Variants in ZNF875 observed in about 807,000 individuals in gnomAD.
The protein encoded by ZNF875 is zinc finger protein 875, also known as HKR1, GLI-Kruppel zinc finger family member.
In ZNF875, 14 loss-of-function variants were observed where a neutral mutation model predicts 11.2. The observed-to-expected ratio is 1.26, with a 90% CI of 0.83 to 1.96. The LOEUF is 1.96. ZNF875 is among the 30% of genes most tolerant of loss of function. The pLI is 0.00. For synonymous variants in ZNF875, 301 were observed against 281.1 expected, an observed-to-expected ratio of 1.07 and a Z score of -0.71; for missense variants, 752 against 760.4, an observed-to-expected ratio of 0.99 and a Z score of 0.13.
intron 4 of ZNF875, 137 bp from the exon 5 acceptor site, chr19:37,361,972 A>G (rs1341729045): frequency 4.7e-6 from 3 of 633,188 alleles, no homozygotes; most frequent in Admixed American, 2.9e-5. Context: ...TGAAAAATAG[A>G]TGCTGGGAAG....
chr19:37,343,292 G>A (rs369229216), intron 2 of ZNF875, among the ~76,000 whole-genome samples: 1 of 150,348 alleles, frequency 6.7e-6, no homozygotes, highest in Non-Finnish European at 1.5e-5. Flanking sequence ...GCAGTGAGCC[G>A]AGACCACGTC....
chr19:37,314,308 G>A (rs925047196), upstream of ZNF875, among the ~76,000 whole-genome samples: 6 of 151,942 alleles, frequency 3.9e-5, no homozygotes, highest in Admixed American at 3.9e-4. Flanking sequence ...AGATATGTGG[G>A]TCTCACTATG....
At chr19:37,347,082 G>T (rs2036932054) in intron 2 of ZNF875, 108 bp from the exon 3 acceptor site, 3 of 1,491,994 alleles carry the variant, frequency 2.0e-6, no homozygotes, top group Non-Finnish European at 1.9e-6. Context: ...CTCCCAAAGT[G>T]CTGGGATTAC....
chr19:37,344,676 G>C, intron 2 of ZNF875: 6 of 1,613,288 alleles, frequency 3.7e-6, no homozygotes, highest in Non-Finnish European at 5.1e-6. Context: ...GAGAGATTTG[G>C]AGTGAATCAT....
At chr19:37,327,025 C>A (rs1036984741) in intron 4 of ZNF875, among the ~76,000 whole-genome samples, 1 of 151,374 alleles carries the variant, frequency 6.6e-6, no homozygotes, top group Non-Finnish European at 1.5e-5. Context: ...TGAAGTCTTG[C>A]TCTGTCTCCC....
intron 2 of ZNF875, among the ~76,000 whole-genome samples, chr19:37,340,985 C>T (rs1046302145): frequency 3.9e-5 from 6 of 152,088 alleles, no homozygotes; most frequent in African/African-American, 1.2e-4. Context: ...ACTTTTTATC[C>T]ACTCAGCTGA....
Position 37,347,201 on chromosome 19 carries a change from A to C in ZNF875, c.45A>C (p.Ala15=). ...GTTTTGTGTTAAAGGCGTTCGTGGC[A>C]TTCAGGGATGTGGCTGTGTACTTCA... The part of the protein sequence containing the change: ...LLRAKKEAFV[A]FRDVAVYFTQ... The change falls in exon 3 of 5, where the codon GCA becomes GCC. Residue 15 remains alanine, a synonymous_variant. Transcript: ENST00000392153. 1 of 1,614,106 alleles carries C rather than the reference A, an allele frequency of 6.2e-7. No individual in the cohort carries two copies. The highest frequency in any genetic ancestry group is 8.5e-7 in the Non-Finnish European group (1 of 1,180,000).
chr19:37,336,881 C>G (rs1174403844), intron 2 of ZNF875, among the ~76,000 whole-genome samples: 1 of 151,726 alleles, frequency 6.6e-6, no homozygotes, highest in African/African-American at 2.4e-5. Context: ...GCACTCCAGC[C>G]CGGGCAACAG....
intron 1 of ZNF875, among the ~76,000 whole-genome samples, chr19:37,320,275 T>C (rs1231474344): frequency 6.6e-6 from 1 of 152,214 alleles, no homozygotes; most frequent in East Asian, 1.9e-4. Flanking sequence ...CAAAATATAG[T>C]GTTTCCTTCC....
chr19:37,347,822 G>A lies in ZNF875; in HGVS notation c.206G>A (p.Gly69Glu), dbSNP rs374229854. ...KPKLIAQLER[G>E]EAPWREERKC... ...AAACTCATTGCTCAGCTGGAGCGAG[G>A]GGAAGCGCCCTGGAGAGAGGAGAGA... The change falls in exon 4 of 5, where the codon GGG becomes GAG. Residue 69 changes from glycine (G) to glutamate (E), a missense_variant. Coordinates refer to ENST00000392153, the MANE Select transcript of ZNF875 (RefSeq NM_001353803.2). The A allele has an allele frequency of 8.7e-6, 14 of 1,613,582 alleles. No homozygotes were observed. The highest frequency in any genetic ancestry group is 1.1e-5 in the Non-Finnish European group (13 of 1,179,662).
At chr19:37,336,297 ATTTT>A (rs34434733) in intron 2 of ZNF875, among the ~76,000 whole-genome samples, 1 of 124,352 alleles carries the variant, frequency 8.0e-6, no homozygotes, top group Non-Finnish European at 1.6e-5. Context: ...TTAAGATTGA[ATTTT>A]TTTTTTTTTT....
chr19:37,362,243 C>G lies in ZNF875; in HGVS notation c.391C>G (p.Leu131Val), dbSNP rs562401179. 70 of 1,614,188 alleles carry G rather than the reference C, an allele frequency of 4.3e-5. No individual in the cohort carries two copies. Among genetic ancestry groups the G allele is most frequent in the Non-Finnish European group, 2.4e-5 (28 of 1,180,030 alleles). The change falls in exon 5 of 5, where the codon CTG becomes GTG. Residue 131 changes from leucine (L) to valine (V), a missense_variant. Coordinates refer to ENST00000392153, the MANE Select transcript of ZNF875 (RefSeq NM_001353803.2). ...TTTATGGGCAGGAAATCCTCTCCAC[C>G]TGGGAAAACACTATCCAGAAGATCA... ...SSLWAGNPLH[L>V]GKHYPEDQKQ...
chr19:37,354,506 G>A (rs948502225), intron 4 of ZNF875, among the ~76,000 whole-genome samples: 2 of 151,586 alleles, frequency 1.3e-5, no homozygotes, highest in African/African-American at 4.9e-5. Flanking sequence ...TGGCATTTTC[G>A]TTAGTGGGCT....
At chr19:37,323,208 C>G (rs542528944) in intron 2 of ZNF875, among the ~76,000 whole-genome samples, 8 of 151,372 alleles carry the variant, frequency 5.3e-5, no homozygotes, top group Non-Finnish European at 8.8e-5. Context: ...GGCTGGAGTT[C>G]TGTGGCACCG....
intron 4 of ZNF875, 158 bp from the exon 5 acceptor site, chr19:37,361,951 A>C: frequency 1.6e-6 from 1 of 607,866 alleles, no homozygotes; most frequent in East Asian, 2.8e-5. Context: ...AGTGTAATGC[A>C]TGAAGTGAAA....
intron 3 of ZNF875, chr19:37,324,058 A>G (rs2032007976): frequency 6.6e-6 from 1 of 152,214 alleles, no homozygotes; most frequent in South Asian, 2.1e-4. Flanking sequence ...GCTTGTGGGT[A>G]GGTATTTGGG....
At chr19:37,317,683 G>C (rs7408563), upstream of ZNF875, among the ~76,000 whole-genome samples, 35,421 of 152,168 alleles carry the variant, frequency 0.23, 4,762 homozygotes, top group African/African-American at 0.36. Context: ...GAAAGTTTTT[G>C]CTGCGCATGT....
At chr19:37,346,235 A>C (rs958291935) in intron 2 of ZNF875, 1 of 152,238 alleles carries the variant, frequency 6.6e-6, no homozygotes, top group South Asian at 2.1e-4. Flanking sequence ...AGCCCTTCAC[A>C]GTAATCCTAA....
chr19:37,335,461 C>A (rs532570817), intron 2 of ZNF875, among the ~76,000 whole-genome samples: 1 of 152,200 alleles, frequency 6.6e-6, no homozygotes, highest in South Asian at 2.1e-4. Context: ...GTAACCTGCA[C>A]GGACCTGGTG....
Sources: allele counts gnomAD v4.1 joint callset (sites outside exome capture counted in the v4.1 genomes callset), GRCh38; gene constraint gnomAD v4.1.1; transcripts MANE v1.5; gene names NCBI Gene and HGNC (gene_info 2026-07-23, HGNC 2026-07-21).